The following SEC22C variants were observed in gnomAD, a reference collection of about 807,000 sequenced individuals.
The protein encoded by SEC22C is SEC22 homolog C, vesicle trafficking protein.
SEC22C carries 29 observed loss-of-function variants against 34.7 expected under a neutral mutation model. That is an observed-to-expected ratio of 0.84 (90% CI 0.62 to 1.14). SEC22C has a LOEUF of 1.14. Ranked by LOEUF, SEC22C falls within the 50% of genes most tolerant of loss-of-function variation. The pLI is 0.00. For synonymous variants in SEC22C, 117 were observed against 132.8 expected (o/e 0.88, Z 0.82); for missense variants, 337 against 369.0 (o/e 0.91, Z 0.71).
chr3:42,589,471 A>G (rs1421472614), intron 1 of SEC22C, among the ~76,000 whole-genome samples: 1 of 152,012 alleles, frequency 6.6e-6, no homozygotes, highest in African/African-American at 2.4e-5. Flanking sequence ...GCCGCTGCTC[A>G]CTCCAGGGAA....
rs927560241 is a variant in SEC22C, at chr3:42,581,874, G to C, written c.-56C>G. The C allele has an allele frequency of 2.6e-5, 4 of 152,154 alleles. No individual in the cohort carries two copies. Among genetic ancestry groups the C allele is most frequent in the African/African-American group, 9.7e-5 (4 of 41,244 alleles). 9.4% of individuals were successfully genotyped at this position (152,154 alleles called of 1,614,324 possible). On this transcript the variant is annotated 5_prime_UTR_variant, in exon 1 of 7. Coordinates refer to ENST00000264454, the MANE Select transcript of SEC22C (RefSeq NM_032970.4). Reference sequence around the variant, plus strand: ...GCCCGGACGGCGGCCTTCGGAAGTCGGCGCCTGCCAGCTACCCGCCGCCTC... The same window carrying C: ...GCCCGGACGGCGGCCTTCGGAAGTCCGCGCCTGCCAGCTACCCGCCGCCTC...
intron 1 of SEC22C, among the ~76,000 whole-genome samples, chr3:42,573,021 C>CTT (rs56862964): frequency 6.6e-6 from 1 of 151,340 alleles, no homozygotes; most frequent in East Asian, 1.9e-4. Flanking sequence ...CACACCACTA[C>CTT]TTTTTTTTTC....
chr3:42,586,608 C>T (rs915042081), upstream of SEC22C, among the ~76,000 whole-genome samples: 9 of 149,736 alleles, frequency 6.0e-5, no homozygotes, highest in Admixed American at 2.7e-4. Flanking sequence ...AAAGCCATAA[C>T]CCCCACTCTC....
intron 4 of SEC22C, among the ~76,000 whole-genome samples, chr3:42,560,675 C>A (rs1702845684): frequency 6.6e-6 from 1 of 152,120 alleles, no homozygotes; most frequent in Admixed American, 6.6e-5. Context: ...CTCATTCTGT[C>A]ACCCAGGCTA....
Position 42,550,109 on chromosome 3 carries a change from C to G in SEC22C, c.*3139G>C. ...GGGGAAACCTTTTGGGCTCTGGCCC[C>G]GTGGTTGGGAAACCCTTCCTAAGAG... On this transcript the variant is annotated 3_prime_UTR_variant, in exon 7 of 7. Transcript: ENST00000264454. 1.0e-6 allele frequency: 1 copy of G among 985,498 alleles called. No individual in the cohort carries two copies. Among genetic ancestry groups the G allele is most frequent in the African/African-American group, 1.7e-5 (1 of 57,374 alleles). 61.0% of individuals were successfully genotyped at this position (985,498 alleles called of 1,614,324 possible).
At chr3:42,565,913 C>T (rs760160417) in intron 2 of SEC22C, 6 of 454,564 alleles carry the variant, frequency 1.3e-5, no homozygotes, top group Middle Eastern at 3.2e-4. Flanking sequence ...ATTTCCTCTG[C>T]GAAAATAATG....
intron 1 of SEC22C, chr3:42,594,330 C>T: frequency 1.1e-6 from 1 of 894,644 alleles, no homozygotes; most frequent in Non-Finnish European, 1.8e-6. Flanking sequence ...GTGGATGAGC[C>T]ATTCCACTAG....
chr3:42,561,286 A>T lies in SEC22C; in HGVS notation c.357T>A (p.Ile119=). ...AGTTAAAATGCCACTTCACTTTCTG[A>T]ATGATGCTGTCTGCAAAAAGAGAGC... ...PYAFLEFDSI[I]QKVKWHFNYV... Residue 119 remains isoleucine (I), a synonymous_variant, in exon 4 of 7, where the codon ATT becomes ATA. Coordinates refer to ENST00000264454, the MANE Select transcript of SEC22C (RefSeq NM_032970.4). 6.2e-7 allele frequency: 1 copy of T among 1,614,160 alleles called. No individual in the cohort carries two copies. Among genetic ancestry groups the T allele is most frequent in the South Asian group, 1.1e-5 (1 of 91,086 alleles).
At chr3:42,579,401 A>T (rs2125726752) in intron 1 of SEC22C, 1 of 151,118 alleles carries the variant, frequency 6.6e-6, no homozygotes, top group African/African-American at 2.4e-5. Flanking sequence ...CAAGAATTTG[A>T]GACCAGCCTG....
chr3:42,561,398 G>A (rs1406911082), intron 3 of SEC22C, 102 bp from the exon 4 acceptor site: 7 of 1,227,296 alleles, frequency 5.7e-6, no homozygotes, highest in East Asian at 2.4e-5. Context: ...TTGAAGATAG[G>A]GTCTCACTGT....
At position 42,557,579 on chromosome 3, in the gene SEC22C, T is replaced by C. The variant is rs1160568358; in HGVS notation, c.644A>G (p.Gln215Arg). The change falls in exon 5 of 7, where the codon CAG becomes CGG. Residue 215 changes from glutamine to arginine, a missense_variant and splice_region_variant. Coordinates refer to ENST00000264454, the MANE Select transcript of SEC22C (RefSeq NM_032970.4). ...TTTTAAAAAAAAAAAAAAGGTTACC[T>C]GTAAAGAATGTTCTGCAAGGTGAAC... Reference protein sequence around the residue: ...RGVHLAEHSLQVAHEEIGNIL... With the variant: ...RGVHLAEHSLRVAHEEIGNIL... 5 of 1,467,316 alleles carry C rather than the reference T, an allele frequency of 3.4e-6. No individual in the cohort carries two copies. Among genetic ancestry groups the C allele is most frequent in the Non-Finnish European group, 4.7e-6 (5 of 1,074,332 alleles). 90.9% of individuals were successfully genotyped at this position (1,467,316 alleles called of 1,614,324 possible).
At chr3:42,597,779 TA>T (rs1373129578) in intron 1 of SEC22C, among the ~76,000 whole-genome samples, 1 of 152,252 alleles carries the variant, frequency 6.6e-6, no homozygotes, top group Admixed American at 6.5e-5. Context: ...TGAAGACAAT[TA>T]TTCTTCCAAT....
At chr3:42,593,187 C>T (rs1022359920) in intron 1 of SEC22C, among the ~76,000 whole-genome samples, 1 of 152,068 alleles carries the variant, frequency 6.6e-6, no homozygotes, top group Non-Finnish European at 1.5e-5. Context: ...CTGAGGCGGG[C>T]AGATCATCTG....
intron 1 of SEC22C, chr3:42,590,940 G>T: frequency 7.4e-7 from 1 of 1,359,312 alleles, no homozygotes; most frequent in Non-Finnish European, 9.7e-7. Context: ...GGGCAAGGCG[G>T]AAGTCAATCA....
intron 1 of SEC22C, among the ~76,000 whole-genome samples, chr3:42,589,730 AAG>A (rs982026151): frequency 6.6e-6 from 1 of 152,298 alleles, no homozygotes; most frequent in Admixed American, 6.5e-5. Context: ...TGTGAGGTAA[AAG>A]AGTTTCATAC....
intron 1 of SEC22C, among the ~76,000 whole-genome samples, chr3:42,569,778 CAGAA>C (rs1426708682): frequency 6.6e-6 from 1 of 152,080 alleles, no homozygotes; most frequent in Non-Finnish European, 1.5e-5. Flanking sequence ...CATTAAGAAA[CAGAA>C]AGAAACAGAT....
chr3:42,562,682 G>A (rs190191016), intron 3 of SEC22C, among the ~76,000 whole-genome samples: 17 of 152,216 alleles, frequency 1.1e-4, no homozygotes, highest in Non-Finnish European at 1.8e-4. Flanking sequence ...CTGTTTACAC[G>A]GAGAGCACAG....
At chr3:42,570,505 G>A (rs1436743393) in intron 1 of SEC22C, among the ~76,000 whole-genome samples, 1 of 152,114 alleles carries the variant, frequency 6.6e-6, no homozygotes, top group Admixed American at 6.5e-5. Context: ...ACACAAAGGA[G>A]GCAAAAAGAA....
intron 1 of SEC22C, among the ~76,000 whole-genome samples, chr3:42,597,004 C>G (rs541822975): frequency 2.0e-5 from 3 of 152,366 alleles, no homozygotes; most frequent in Non-Finnish European, 2.9e-5. Context: ...TCCATCCTTT[C>G]CTTTCATGAA....
Sources: allele counts gnomAD v4.1 joint callset (sites outside exome capture counted in the v4.1 genomes callset), GRCh38; gene constraint gnomAD v4.1.1; transcripts MANE v1.5; gene names NCBI Gene and HGNC (gene_info 2026-07-23, HGNC 2026-07-21).